The following FCSK variants were observed in gnomAD, a reference collection of about 807,000 sequenced individuals.
FCSK encodes fucose kinase.
A neutral mutation model predicts 122.5 loss-of-function variants in FCSK; 123 were observed. That is an observed-to-expected ratio of 1.00 (90% CI 0.87 to 1.17). The LOEUF is 1.17. Among genes scored for constraint, FCSK ranks in the 50% most tolerant of loss-of-function variants. The pLI, the probability that FCSK is intolerant of heterozygous loss-of-function variation, is 0.00. For missense variants in FCSK, 1,366 were observed against 1,450.4 expected (o/e 0.94, Z 0.95); for synonymous variants, 620 against 625.5 (o/e 0.99, Z 0.13).
At position 70,475,330 on chromosome 16, in the gene FCSK, TCATGCCTGTCCTTCTG is replaced by T; in HGVS notation, c.2378-17_2378-2del. ...TGCCCATCGAGACTGAATTCCTTTC[TCATGCCTGTCCTTCTG>T]CAGGGGCCCTGCTGAAGGCGGCCTT... On this transcript the variant is annotated splice_polypyrimidine_tract_variant and splice_region_variant and intron_variant, in intron 18 of 23. Transcript: ENST00000288078. The T allele has an allele frequency of 6.2e-7, 1 of 1,607,582 alleles. No individual in the cohort carries two copies. The highest frequency in any genetic ancestry group is 1.1e-5 in the South Asian group (1 of 91,024).
chr16:70,465,963 GTGCAATGCAA>G (rs747090107), intron 4 of FCSK, among the ~76,000 whole-genome samples, 159 bp from the exon 5 acceptor site: 5 of 151,996 alleles, frequency 3.3e-5, no homozygotes, highest in Admixed American at 6.6e-5. Context: ...AAAAATTGCA[GTGCAATGCAA>G]TGCAATGCAA....
At chr16:70,461,362 T>C (rs549727160) in intron 1 of FCSK, among the ~76,000 whole-genome samples, 1 of 147,940 alleles carries the variant, frequency 6.8e-6, no homozygotes, top group Admixed American at 6.8e-5. Flanking sequence ...CTGCCAGAGG[T>C]GAATGTGTGG....
At chr16:70,476,523 G>A (rs1371444630) in intron 20 of FCSK, among the ~76,000 whole-genome samples, 1 of 151,332 alleles carries the variant, frequency 6.6e-6, no homozygotes, top group African/African-American at 2.4e-5. Context: ...TCTAATGAAT[G>A]TCACCAGCGC....
intron 3 of FCSK, among the ~76,000 whole-genome samples, chr16:70,464,763 A>G (rs2048366307): frequency 6.6e-6 from 1 of 151,624 alleles, no homozygotes; most frequent in South Asian, 2.1e-4. Flanking sequence ...CTGTAGTCCC[A>G]GCTAGTTAAG....
chr16:70,464,965 G>T, intron 3 of FCSK, 161 bp from the exon 4 acceptor site: 1 of 1,507,464 alleles, frequency 6.6e-7, no homozygotes, highest in Non-Finnish European at 9.0e-7. Flanking sequence ...GGAGGGACCA[G>T]GGCTGCCCCT....
Position 70,479,403 on chromosome 16 carries a change from G to T in FCSK, c.3153G>T (p.Glu1051Asp), listed in dbSNP as rs777395767. ...EALEAVLAKT[E>D]GLGNYSIHLV... is the part of the protein sequence containing the mutation. ...TGGAGGCGGTGCTGGCCAAGACCGA[G>T]GTACTGATGGGGCTGGGGTTGGTAA... The change falls in exon 23 of 24, where the codon GAG (glutamate) becomes GAT (aspartate). Residue 1051 changes from glutamate to aspartate, a missense_variant and splice_region_variant. Physicochemically the swap from Glu to Asp is conservative, Grantham distance 45. Coordinates refer to ENST00000288078, the MANE Select transcript of FCSK (RefSeq NM_145059.3). The T allele has an allele frequency of 6.2e-7, 1 of 1,611,576 alleles. No homozygotes were observed.
rs746540218 is a variant in FCSK, at chr16:70,467,415, C to T, written c.526C>T (p.Leu176Phe). 1.2e-5 allele frequency: 20 copies of T among 1,611,120 alleles called. No individual in the cohort carries two copies. The Middle Eastern group carries it at 6.6e-4, about 53-fold the overall frequency. Reference protein sequence around the residue: ...DSFRGARVIALPGSPAYAQNH... With the variant: ...DSFRGARVIAFPGSPAYAQNH... ...CTTCCGGGGAGCCAGAGTGATCGCC[C>T]TCCCAGGGAGCCCGGCCTACGCTCA... Residue 176 changes from leucine to phenylalanine, a missense_variant, in exon 7 of 24, where the codon CTC becomes TTC. Transcript: ENST00000288078.
intron 1 of FCSK, among the ~76,000 whole-genome samples, chr16:70,458,841 A>G (rs938853753): frequency 6.6e-6 from 1 of 152,158 alleles, no homozygotes; most frequent in Non-Finnish European, 1.5e-5. Flanking sequence ...AGTGCTTTAC[A>G]TATATTTCCT....
At chr16:70,465,788 C>A (rs967298192) in intron 4 of FCSK, among the ~76,000 whole-genome samples, 1 of 151,644 alleles carries the variant, frequency 6.6e-6, no homozygotes, top group African/African-American at 2.4e-5. Flanking sequence ...TCTGTCTTTA[C>A]TAAAAATACA....
chr16:70,463,788 A>G lies in FCSK; in HGVS notation c.234+14A>G. On this transcript the variant is annotated intron_variant, in intron 3 of 23. Transcript: ENST00000288078. ...GCAGGCTTCACTGTGAGTGCTCACC[A>G]GGGCCACCTCCCTGGTCTGTGTCCC... 1.3e-6 allele frequency: 2 copies of G among 1,598,978 alleles called. No homozygotes were observed. Among genetic ancestry groups the G allele is most frequent in the Non-Finnish European group, 1.7e-6 (2 of 1,174,204 alleles).
Position 70,478,575 on chromosome 16 carries a change from C to T in FCSK, c.2854C>T (p.Arg952Ter), listed in dbSNP as rs1192132355. The change falls in exon 22 of 24, where the codon CGA becomes TGA. Residue 952 changes from arginine (R) to a stop codon, truncating the protein, a stop_gained. Transcript: ENST00000288078. LOFTEE classifies it high-confidence loss of function. ...GGATGTGCTGAGGAGCTGGTATGCCCGACTTCCTGCTGTGGTGCAGAATGC... is the reference window on the plus strand; with the variant it reads ...GGATGTGCTGAGGAGCTGGTATGCCTGACTTCCTGCTGTGGTGCAGAATGC... ...LQDVLRSWYA[R>*]LPAVVQNAHS... The T allele has an allele frequency of 9.3e-6, 15 of 1,613,640 alleles. No individual in the cohort carries two copies. Among genetic ancestry groups the T allele is most frequent in the South Asian group, 6.6e-5 (6 of 91,070 alleles).
chr16:70,471,309 C>T lies in FCSK; in HGVS notation c.1298C>T (p.Pro433Leu), dbSNP rs201478159. 36 of 1,600,540 alleles carry T rather than the reference C, an allele frequency of 2.2e-5. No individual in the cohort carries two copies. The African/African-American group carries it at 2.9e-4, about 13-fold the overall frequency. The part of the protein sequence containing the change: ...QGHHTRLHGS[P>L]GHAFTLVGRL... ...CACCACACGCGGCTACACGGCTCCC[C>T]GGGCCACGCCTTCACCCTCGTTGGC... is the stretch of plus-strand genomic sequence containing the variant. Residue 433 changes from proline (P) to leucine (L), a missense_variant, in exon 13 of 24, where the codon CCG (proline) becomes CTG (leucine). Physicochemically the swap from Pro to Leu is moderately conservative, Grantham distance 98. Transcript: ENST00000288078.
In FCSK at chr16:70,471,005, T is replaced by C. The variant is rs2048596524; in HGVS notation, c.1103T>C (p.Val368Ala). The C allele has an allele frequency of 1.2e-6, 2 of 1,600,420 alleles. No homozygotes were observed. Among genetic ancestry groups the C allele is most frequent in the Admixed American group, 3.4e-5 (2 of 58,536 alleles). Residue 368 changes from valine to alanine, a missense_variant, in exon 12 of 24, where the codon GTC (valine) becomes GCC (alanine). Transcript: ENST00000288078. Reference sequence around the variant, plus strand: ...CTTCTGGCGGCCGGGAGCTCTGTGGTCAGCTGCCTGCTGGAGGGCCCTGTC... The same window carrying C: ...CTTCTGGCGGCCGGGAGCTCTGTGGCCAGCTGCCTGCTGGAGGGCCCTGTC... ...QQLLAAGSSV[V>A]SCLLEGPVQL... is the part of the protein sequence containing the mutation.
At position 70,472,315 on chromosome 16, in the gene FCSK, T is replaced by C. The variant is rs111722596; in HGVS notation, c.1342-226T>C. 8.0e-3 allele frequency among the ~76,000 whole-genome samples: 1,211 copies of C among 152,246 alleles called. 24 individuals are homozygous for C. Among genetic ancestry groups the C allele is most frequent in the African/African-American group, 0.026 (1,076 of 41,532 alleles). ...CTCCATGGCTGGGTGTAGTGGCTCA[T>C]GCCTGTAATCTCAACACTCTGGGAG... On this transcript the variant is annotated intron_variant, in intron 13 of 23. Coordinates refer to ENST00000288078, the MANE Select transcript of FCSK (RefSeq NM_145059.3).
chr16:70,471,812 G>T (rs367922553), intron 13 of FCSK, among the ~76,000 whole-genome samples: 68 of 128,646 alleles, frequency 5.3e-4, no homozygotes, highest in Non-Finnish European at 9.2e-4. Flanking sequence ...TGGGGTTGTT[G>T]TTTTTTTTTT....
rs2048656442 is a variant in FCSK at position 70,472,496 on chromosome 16, T to C, written c.1342-45T>C. Reference sequence around the variant, plus strand: ...CCCCTGGCCGAGTGTCTCTAACCCTTTCCTGTGGCCCCTGCAGCCCTGACT... The same window carrying C: ...CCCCTGGCCGAGTGTCTCTAACCCTCTCCTGTGGCCCCTGCAGCCCTGACT... On this transcript the variant is annotated intron_variant, in intron 13 of 23. Coordinates refer to ENST00000288078, the MANE Select transcript of FCSK (RefSeq NM_145059.3). 6.5e-6 allele frequency: 10 copies of C among 1,531,772 alleles called. No individual in the cohort carries two copies. In the Middle Eastern group the frequency reaches 1.2e-3, roughly 183 times the overall value. 94.9% of individuals were successfully genotyped at this position (1,531,772 alleles called of 1,614,324 possible).
chr16:70,460,466 G>C (rs1298402267), intron 1 of FCSK, among the ~76,000 whole-genome samples: 1 of 151,452 alleles, frequency 6.6e-6, no homozygotes, highest in Non-Finnish European at 1.5e-5. Flanking sequence ...GTGCAGTGGT[G>C]TGATCTTGGC....
intron 2 of FCSK, 101 bp from the exon 3 acceptor site, chr16:70,463,522 G>A: frequency 2.0e-6 from 3 of 1,487,242 alleles, no homozygotes; most frequent in Non-Finnish European, 2.8e-6. Context: ...GGAAAGCTAA[G>A]TCAAGGAAGA....
In FCSK at chr16:70,479,769, C is replaced by A; in HGVS notation, c.*89C>A. On this transcript the variant is annotated 3_prime_UTR_variant, in exon 24 of 24. Coordinates refer to ENST00000288078, the MANE Select transcript of FCSK (RefSeq NM_145059.3). Reference sequence around the variant, plus strand: ...CATGGGAACCTCCACCTCCTACTCCCCACCCACCTCTGCGAATCTGCTCCC... The same window carrying A: ...CATGGGAACCTCCACCTCCTACTCCACACCCACCTCTGCGAATCTGCTCCC... 1.1e-6 allele frequency: 1 copy of A among 948,842 alleles called. No homozygotes were observed. Among genetic ancestry groups the A allele is most frequent in the Non-Finnish European group, 1.6e-6 (1 of 624,458 alleles). The allele number at this position is 948,842 out of a possible 1,614,324, so 58.8% of individuals were successfully genotyped here.
Sources: allele counts gnomAD v4.1 joint callset (sites outside exome capture counted in the v4.1 genomes callset), GRCh38; gene constraint gnomAD v4.1.1; transcripts MANE v1.5; gene names NCBI Gene and HGNC (gene_info 2026-07-23, HGNC 2026-07-21).